The following SPEG variants were observed in gnomAD, a reference collection of about 807,000 sequenced individuals.
SPEG encodes striated muscle preferentially expressed protein kinase.
A neutral mutation model predicts 300.4 loss-of-function variants in SPEG; 114 were observed. That is an observed-to-expected ratio of 0.38 (90% CI 0.33 to 0.44). The LOEUF is 0.44. Among genes scored for constraint, SPEG ranks in the 20% least tolerant of loss-of-function variants. SPEG has a pLI of 1.00. For synonymous variants in SPEG, 1,964 were observed against 2,018.9 expected (o/e 0.97, Z 0.73); for missense variants, 4,201 against 4,586.2 (o/e 0.92, Z 2.43).
In SPEG at chr2:219,448,341, C is replaced by A. The variant is rs1689476622; in HGVS notation, c.1183C>A (p.Arg395Ser). 1.3e-6 allele frequency: 2 copies of A among 1,593,384 alleles called. No homozygotes were observed. Among genetic ancestry groups the A allele is most frequent in the Non-Finnish European group, 1.7e-6 (2 of 1,171,456 alleles). The stretch of plus-strand genomic sequence containing the variant: ...GTTGGGCCGATCGCCTAGGCTGGTG[C>A]GCGCCGGCTCCCGCATCCTGGACAA... ...SALGRSPRLV[R>S]AGSRILDKLQ... The change falls in exon 4 of 41, where the codon CGC becomes AGC. Residue 395 changes from arginine to serine, a missense_variant. Transcript: ENST00000312358.
At chr2:219,460,328 T>C in intron 6 of SPEG, 2 of 985,432 alleles carry the variant, frequency 2.0e-6, no homozygotes, top group South Asian at 4.7e-5. Context: ...AGGTATGCCC[T>C]GGCTCTGTAG....
chr2:219,483,294 C>T lies in SPEG; in HGVS notation c.5831C>T (p.Ser1944Phe). 6.2e-7 allele frequency: 1 copy of T among 1,607,006 alleles called. No homozygotes were observed. Among genetic ancestry groups the T allele is most frequent in the Non-Finnish European group, 8.5e-7 (1 of 1,176,824 alleles). The change falls in exon 30 of 41, where the codon TCT becomes TTT. Residue 1944 changes from serine (S) to phenylalanine (F), a missense_variant. By Grantham distance (155) the Ser-to-Phe change is radical. Transcript: ENST00000312358. ...SVPRPLQPEF[S>F]GSRVSLTDIP... ...CCCCGCCCACTGCAGCCCGAGTTCTCTGGCTCCCGGGTGTCCCTCACAGAC... is the reference window on the plus strand; with the variant it reads ...CCCCGCCCACTGCAGCCCGAGTTCTTTGGCTCCCGGGTGTCCCTCACAGAC...
At position 219,492,628 on chromosome 2, in the gene SPEG, C is replaced by A; in HGVS notation, c.9646C>A (p.Pro3216Thr). 6.2e-7 allele frequency: 1 copy of A among 1,611,146 alleles called. No individual in the cohort carries two copies. The highest frequency in any genetic ancestry group is 8.5e-7 in the Non-Finnish European group (1 of 1,180,012). The change falls in exon 41 of 41, where the codon CCA (proline) becomes ACA (threonine). Residue 3216 changes from proline (P) to threonine (T), a missense_variant. Pro to Thr is a conservative substitution (Grantham distance 38). Transcript: ENST00000312358. Reference sequence around the variant, plus strand: ...CTCCCTGCAGGACTGCCTGGCCCACCCATGGTTGCAGGACGCCTACCTGAT... The same window carrying A: ...CTCCCTGCAGGACTGCCTGGCCCACACATGGTTGCAGGACGCCTACCTGAT... ...RPSLQDCLAH[P>T]WLQDAYLMKL...
At chr2:219,449,725 G>A (rs1005009972) in intron 4 of SPEG, among the ~76,000 whole-genome samples, 7 of 152,154 alleles carry the variant, frequency 4.6e-5, no homozygotes, top group Admixed American at 6.5e-5. Context: ...TTACAGACAC[G>A]CTTTGTGCCA....
At chr2:219,490,994 C>T (rs1200219503) in intron 38 of SPEG, 38 bp downstream of exon 38, 1 of 1,552,120 alleles carries the variant, frequency 6.4e-7, no homozygotes, top group African/African-American at 1.4e-5. Flanking sequence ...GGGGACAGGG[C>T]CCTGCCAGAG....
In SPEG at chr2:219,484,702, G is replaced by A; in HGVS notation, c.7239G>A (p.Leu2413=). 5.3e-6 allele frequency: 8 copies of A among 1,510,556 alleles called. No homozygotes were observed. The highest frequency in any genetic ancestry group is 7.0e-6 in the Non-Finnish European group (8 of 1,138,830). 93.6% of individuals were successfully genotyped at this position (1,510,556 alleles called of 1,614,324 possible). A position where few individuals can be genotyped will look rare whatever the true frequency, so the allele number is the denominator to read the frequency against. ...PGLVRRLSLS[L]SQRLRRTPPA... Reference sequence around the variant, plus strand: ...TCGTCCGCCGCCTCTCGCTGTCACTGTCCCAGCGGCTGCGGCGGACCCCTC... The same window carrying A: ...TCGTCCGCCGCCTCTCGCTGTCACTATCCCAGCGGCTGCGGCGGACCCCTC... Residue 2413 remains leucine (L), a synonymous_variant, in exon 30 of 41, where the codon CTG becomes CTA. Transcript: ENST00000312358.
chr2:219,446,553 T>C (rs923354508), intron 3 of SPEG, among the ~76,000 whole-genome samples: 1 of 152,094 alleles, frequency 6.6e-6, no homozygotes, highest in Non-Finnish European at 1.5e-5. Context: ...CAGTCAGAGG[T>C]GGGTCTGTCA....
chr2:219,473,095 C>T lies in SPEG; in HGVS notation c.4146C>T (p.His1382=), dbSNP rs528632562. 235 of 1,613,232 alleles carry T rather than the reference C, an allele frequency of 1.5e-4. No individual in the cohort carries two copies. In the Middle Eastern group the frequency reaches 1.7e-3, roughly 11 times the overall value. The change falls in exon 16 of 41, where the codon CAC becomes CAT. Residue 1382 remains histidine, a splice_region_variant and synonymous_variant. Transcript: ENST00000312358. This position sits in a 1 kb window ranked among gnomAD's most constrained non-coding sequence, Gnocchi z 4.6. ...CTGAGCCTGTGCAGCTGCTGGAGCACGGTGAGCCTGGGTGCTCCTGTCGGG... is the reference window on the plus strand; with the variant it reads ...CTGAGCCTGTGCAGCTGCTGGAGCATGGTGAGCCTGGGTGCTCCTGTCGGG... ...PPSEPVQLLE[H]GPTLEEAPAM...
chr2:219,473,979 C>A lies in SPEG; in HGVS notation c.4447+76C>A. The A allele has an allele frequency of 6.8e-7, 1 of 1,480,998 alleles. No homozygotes were observed. The highest frequency in any genetic ancestry group is 9.1e-7 in the Non-Finnish European group (1 of 1,097,708). 91.7% of individuals were successfully genotyped at this position (1,480,998 alleles called of 1,614,324 possible). ...TCTACTCACACCCCCAGGTACACAA[C>A]CTGCCTGACACTGCTGCAGATCCAA... is the stretch of plus-strand genomic sequence containing the variant. On this transcript the variant is annotated intron_variant, in intron 18 of 40. Transcript: ENST00000312358. This position sits in a 1 kb window ranked among gnomAD's most constrained non-coding sequence, Gnocchi z 4.6.
intron 6 of SPEG, chr2:219,460,839 CAGCCG>C: frequency 1.0e-6 from 1 of 986,150 alleles, no homozygotes; most frequent in Non-Finnish European, 1.2e-6. Flanking sequence ...TCAGCTGGGT[CAGCCG>C]AGTGAGTGGG....
At chr2:219,452,637 A>G (rs1461074067) in intron 6 of SPEG, among the ~76,000 whole-genome samples, 1 of 152,050 alleles carries the variant, frequency 6.6e-6, no homozygotes, top group Non-Finnish European at 1.5e-5. Flanking sequence ...TGCGGAGCAG[A>G]TGGATCTAGT....
chr2:219,441,692 G>A, intron 1 of SPEG: 1 of 405,370 alleles, frequency 2.5e-6, no homozygotes, highest in East Asian at 7.4e-5. Flanking sequence ...ATGTGCCTAG[G>A]GCTCCGGAGG....
At chr2:219,468,544 C>G in intron 10 of SPEG, 34 bp from the exon 11 acceptor site, 1 of 1,602,142 alleles carries the variant, frequency 6.2e-7, no homozygotes, top group Non-Finnish European at 8.5e-7. Flanking sequence ...CCTCCTTAGC[C>G]TTCCCTATCT....
In SPEG at chr2:219,484,328, GC is replaced by G; in HGVS notation, c.6870del (p.Glu2291ArgfsTer13). 6.2e-7 allele frequency: 1 copy of G among 1,604,022 alleles called. No individual in the cohort carries two copies. ...FARVASPPPG[A>X]PEKRVPSAGG... The stretch of plus-strand genomic sequence containing the variant: ...CAGGGTGGCCTCCCCACCTCCGGGA[GC>G]CCCCGAGAAGCGCGTGCCCTCAGCC... On this transcript the variant is annotated frameshift_variant, in exon 30 of 41. Coordinates refer to ENST00000312358, the MANE Select transcript of SPEG (RefSeq NM_005876.5). LOFTEE classifies it high-confidence loss of function.
At chr2:219,461,037 G>A in intron 6 of SPEG, 2 of 968,118 alleles carry the variant, frequency 2.1e-6, no homozygotes, top group East Asian at 1.1e-4. Flanking sequence ...TGGGGTGGGG[G>A]GACCCTGGGG....
chr2:219,453,717 G>C (rs568355089), intron 6 of SPEG, among the ~76,000 whole-genome samples: 1 of 152,222 alleles, frequency 6.6e-6, no homozygotes, highest in South Asian at 2.1e-4. Context: ...AGGCTGGCTC[G>C]GGGGCCCCAG....
At chr2:219,478,754 T>C (rs1330020736) in intron 22 of SPEG, among the ~76,000 whole-genome samples, 1 of 152,218 alleles carries the variant, frequency 6.6e-6, no homozygotes, top group Non-Finnish European at 1.5e-5. Context: ...ATGGATCTTC[T>C]AGGTCATTCT....
Position 219,481,385 on chromosome 2 carries a change from G to A in SPEG, c.5451G>A (p.Glu1817=). Residue 1817 remains glutamate (E), a synonymous_variant, in exon 27 of 41, where the codon GAG becomes GAA. Transcript: ENST00000312358. The surrounding 1 kb of genome is among the most constrained non-coding windows in gnomAD (Gnocchi z 5.4). ...TCCGAAACTACAACGTGGCCTTCGA[G>A]GAGACCACATTCCTGAGCCTGAGCA... ...MNIRNYNVAF[E]ETTFLSLSRE... is the part of the protein sequence containing the mutation. 1.9e-6 allele frequency: 3 copies of A among 1,614,152 alleles called. No individual in the cohort carries two copies. The highest frequency in any genetic ancestry group is 2.5e-6 in the Non-Finnish European group (3 of 1,180,030).
Position 219,472,280 on chromosome 2 carries a change from A to T in SPEG, c.3889A>T (p.Arg1297Trp), listed in dbSNP as rs761264788. Residue 1297 changes from arginine (R) to tryptophan (W), a missense_variant, in exon 15 of 41, where the codon AGG becomes TGG. By Grantham distance (101) the Arg-to-Trp change is moderately radical. Around this residue, in one of 4 missense-constraint regions of SPEG, gnomAD observed 1,047 missense variants for 1,356.8 expected, o/e 0.77. Coordinates refer to ENST00000312358, the MANE Select transcript of SPEG (RefSeq NM_005876.5). ...CCCGCAGGTGGTGGCTGTGACGGGG[A>T]GGATGGTCACACTCACATGGAACCC... is the stretch of plus-strand genomic sequence containing the variant. ...GAPQVVAVTGRMVTLTWNPPR... is the reference protein window; with the variant it reads ...GAPQVVAVTGWMVTLTWNPPR... 1 of 1,613,616 alleles carries T rather than the reference A, an allele frequency of 6.2e-7. No individual in the cohort carries two copies. Among genetic ancestry groups the T allele is most frequent in the Non-Finnish European group, 8.5e-7 (1 of 1,179,966 alleles).
Sources: gnomAD v4.1 joint callset for allele counts (sites outside exome capture counted in the v4.1 genomes callset) on GRCh38, gnomAD v4.1.1 for gene constraint, gnomAD v4.1.1 regional missense constraint, Gnocchi (gnomAD v3.1) non-coding constraint, MANE v1.5 for transcripts, NCBI Gene and HGNC (gene_info 2026-07-23, HGNC 2026-07-21) for gene names.